NSF: variants seen among roughly 807,000 people sequenced by gnomAD.
NSF encodes N-ethylmaleimide sensitive factor, vesicle fusing ATPase.
NSF carries 14 observed loss-of-function variants against 50.3 expected under a neutral mutation model. The observed-to-expected ratio is 0.28, with a 90% CI of 0.18 to 0.44. The LOEUF is 0.44. Ranked by LOEUF, NSF falls within the 20% of genes least tolerant of loss-of-function variation. The probability of loss-of-function intolerance (pLI) is 1.00; values close to 1 mark genes in which losing one functional copy is unlikely to be tolerated. For missense variants in NSF, 218 were observed against 504.3 expected (o/e 0.43, Z 5.44); for synonymous variants, 109 against 175.7 (o/e 0.62, Z 3.00).
intron 8 of NSF, among the ~76,000 whole-genome samples, chr17:46,663,632 GAA>G (rs2058321929): frequency 2.5e-4 from 1 of 4,066 alleles, no homozygotes; most frequent in South Asian, 5.7e-3. Context: ...AACAAAGAAA[GAA>G]AAAACTATAA....
At chr17:46,729,574 G>C (rs1375416896) in intron 17 of NSF, among the ~76,000 whole-genome samples, 2 of 152,098 alleles carry the variant, frequency 1.3e-5, no homozygotes, top group Non-Finnish European at 2.9e-5. Flanking sequence ...GAGGCTGCCA[G>C]AGCATGTTTG....
rs155756 is a variant in NSF at position 46,684,610 on chromosome 17, C to T, written c.946-8293C>T. On this transcript the variant is annotated intron_variant, in intron 9 of 20. Transcript: ENST00000398238. ...AGAAATAATGCCACACATCTACAAC[C>T]ATCTGATCTTTGACAAACCTGACAA... is the stretch of plus-strand genomic sequence containing the variant. Among the ~76,000 whole-genome samples the T allele has an allele frequency of 4.2e-3, 632 of 152,028 alleles. 5 individuals are homozygous for T. Among genetic ancestry groups the T allele is most frequent in the Middle Eastern group, 0.024 (7 of 292 alleles).
chr17:46,710,150 ATACATGATCTTTACATG>A (rs1322940816), intron 13 of NSF, among the ~76,000 whole-genome samples: 22 of 152,200 alleles, frequency 1.4e-4, no homozygotes, highest in Non-Finnish European at 2.4e-4. Flanking sequence ...AATTCTCAAG[ATACATGATCTTTACATG>A]TACATGATCT....
At chr17:46,714,080 C>G in intron 15 of NSF, 94 bp downstream of exon 15, 1 of 1,298,912 alleles carries the variant, frequency 7.7e-7, no homozygotes, top group Non-Finnish European at 1.0e-6. Context: ...ACATATAAAC[C>G]CATAGCAACT....
chr17:46,734,275 A>G (rs1183689864), intron 17 of NSF, among the ~76,000 whole-genome samples: 5 of 152,200 alleles, frequency 3.3e-5, no homozygotes, highest in Non-Finnish European at 7.3e-5. Context: ...GCTAATGACT[A>G]TGATATGACT....
intron 15 of NSF, among the ~76,000 whole-genome samples, chr17:46,716,552 C>T (rs567305846): frequency 3.9e-5 from 6 of 152,178 alleles, no homozygotes; most frequent in South Asian, 2.1e-4. Context: ...CCACCGCGCC[C>T]GGCCTGCACC....
chr17:46,688,359 AAAAT>A (rs2058512553), intron 9 of NSF, among the ~76,000 whole-genome samples: 1 of 146,382 alleles, frequency 6.8e-6, no homozygotes. Context: ...AATAAAAATA[AAAAT>A]AAATTTTAAA....
At chr17:46,694,328 A>G in intron 11 of NSF, 147 bp from the exon 12 acceptor site, 3 of 569,192 alleles carry the variant, frequency 5.3e-6, no homozygotes, top group Non-Finnish European at 5.9e-6. Flanking sequence ...CAGAGGTTGC[A>G]GTGAGCTGAG....
intron 15 of NSF, among the ~76,000 whole-genome samples, chr17:46,714,837 A>G (rs1352281902): frequency 6.6e-6 from 1 of 152,212 alleles, no homozygotes; most frequent in East Asian, 1.9e-4. Context: ...CGTAAGTCCA[A>G]GAGATGTGGG....
chr17:46,737,715 G>A (rs2059022654), intron 17 of NSF, among the ~76,000 whole-genome samples: 1 of 151,826 alleles, frequency 6.6e-6, no homozygotes, highest in Admixed American at 6.6e-5. Context: ...TGGTTCCAGT[G>A]GAACATAAAG....
intron 17 of NSF, among the ~76,000 whole-genome samples, chr17:46,748,101 T>A (rs1299830529): frequency 3.3e-5 from 5 of 152,106 alleles, no homozygotes; most frequent in Admixed American, 2.0e-4. Flanking sequence ...TTTCTAACCT[T>A]TTTATTTATT....
At chr17:46,625,909 C>G (rs1390684014) in intron 2 of NSF, among the ~76,000 whole-genome samples, 1 of 122,054 alleles carries the variant, frequency 8.2e-6, no homozygotes, top group Admixed American at 8.4e-5. Context: ...AAAAAAGATA[C>G]TGCTGCTGCA....
rs199487 is a variant in NSF, at chr17:46,657,974, T to A, written c.745+14715T>A. Among the ~76,000 whole-genome samples the A allele has an allele frequency of 1.8e-3, 24 of 13,438 alleles. 4 individuals are homozygous for A. The highest frequency in any genetic ancestry group is 3.4e-3 in the Admixed American group (2 of 588). The allele number at this position is 13,438 out of a possible 152,430, so 8.8% of individuals were successfully genotyped here. On this transcript the variant is annotated intron_variant, in intron 8 of 20. Transcript: ENST00000398238. Reference sequence around the variant, plus strand: ...TGTTTTTATTTTATTTTATTTATTTTTTTTTTTTTTGGCGGGGTGGGGTCT... The same window carrying A: ...TGTTTTTATTTTATTTTATTTATTTATTTTTTTTTTGGCGGGGTGGGGTCT...
intron 17 of NSF, among the ~76,000 whole-genome samples, chr17:46,747,247 A>G (rs1246119542): frequency 1.3e-5 from 2 of 152,222 alleles, no homozygotes; most frequent in East Asian, 3.8e-4. Flanking sequence ...AAAACAAGGA[A>G]CAGAAGAAAA....
At position 46,756,774 on chromosome 17, in the gene NSF, A is replaced by T. The variant is rs1464120915; in HGVS notation, c.*951A>T. 1.3e-5 allele frequency: 2 copies of T among 152,588 alleles called. No homozygotes were observed. Among genetic ancestry groups the T allele is most frequent in the Non-Finnish European group, 2.9e-5 (2 of 68,036 alleles). The allele number at this position is 152,588 out of a possible 1,614,324, so 9.5% of individuals were successfully genotyped here. A position where few individuals can be genotyped will look rare whatever the true frequency, so the allele number is the denominator to read the frequency against. ...ATGATCTGTACTATCTAGTGTCTAAAACACTATTCTCCAGAAAAATCAATC... is the reference window on the plus strand; with the variant it reads ...ATGATCTGTACTATCTAGTGTCTAATACACTATTCTCCAGAAAAATCAATC... On this transcript the variant is annotated 3_prime_UTR_variant, in exon 21 of 21. Coordinates refer to ENST00000398238, the MANE Select transcript of NSF (RefSeq NM_006178.4).
intron 16 of NSF, among the ~76,000 whole-genome samples, chr17:46,727,861 A>G (rs538218439): frequency 1.3e-4 from 20 of 152,320 alleles, no homozygotes; most frequent in South Asian, 2.1e-4. Context: ...CATTTATTCA[A>G]TAAGCACTTG....
intron 9 of NSF, among the ~76,000 whole-genome samples, chr17:46,681,464 T>C (rs1231337077): frequency 1.4e-5 from 2 of 140,910 alleles, no homozygotes; most frequent in Non-Finnish European, 3.1e-5. Context: ...CACTCCCGCT[T>C]GGGCAACAGA....
chr17:46,622,436 T>C (rs2146135245), intron 1 of NSF, among the ~76,000 whole-genome samples: 1 of 149,658 alleles, frequency 6.7e-6, no homozygotes, highest in Non-Finnish European at 1.5e-5. Flanking sequence ...CCAGCCTGGG[T>C]GACAGAGTGA....
At chr17:46,750,168 C>T (rs2059168433) in intron 18 of NSF, among the ~76,000 whole-genome samples, 2 of 152,154 alleles carry the variant, frequency 1.3e-5, no homozygotes, top group Admixed American at 1.3e-4. Flanking sequence ...GCCTGGCCAA[C>T]ATGGTGAAAC....
Sources: gnomAD v4.1 joint callset for allele counts (sites outside exome capture counted in the v4.1 genomes callset) on GRCh38, gnomAD v4.1.1 for gene constraint, MANE v1.5 for transcripts, NCBI Gene and HGNC (gene_info 2026-07-23, HGNC 2026-07-21) for gene names.